The following ZFHX3 variants were observed in gnomAD, a reference collection of about 807,000 sequenced individuals.
ZFHX3 encodes the protein zinc finger homeobox protein 3.
A neutral mutation model predicts 279.1 loss-of-function variants in ZFHX3; 42 were observed. The observed-to-expected ratio is 0.15, with a 90% CI of 0.12 to 0.19. The LOEUF (loss-of-function observed/expected upper bound fraction) is 0.19, where lower values mean the gene tolerates loss of function less well. ZFHX3 is among the 10% of genes least tolerant of loss of function. The pLI is 1.00. For synonymous variants in ZFHX3, 2,293 were observed against 1,957.8 expected, an observed-to-expected ratio of 1.17 and a Z score of -4.52; for missense variants, 4,981 against 4,754.0, an observed-to-expected ratio of 1.05 and a Z score of -1.40.
At chr16:73,577,240 C>T (rs200290476) in intron 2 of ZFHX3, among the ~76,000 whole-genome samples, 2 of 152,036 alleles carry the variant, frequency 1.3e-5, no homozygotes, top group East Asian at 3.8e-4. Flanking sequence ...ATATGGGAGA[C>T]AGGTAGTCAA....
At chr16:73,384,001 C>A (rs1484606032) in intron 3 of ZFHX3, among the ~76,000 whole-genome samples, 1 of 152,172 alleles carries the variant, frequency 6.6e-6, no homozygotes, top group Non-Finnish European at 1.5e-5. Context: ...CACGAACACA[C>A]TTCAAAGAAA....
intron 1 of ZFHX3, among the ~76,000 whole-genome samples, chr16:73,695,130 T>C (rs1446493787): frequency 6.6e-6 from 1 of 152,196 alleles, no homozygotes; most frequent in Non-Finnish European, 1.5e-5. Flanking sequence ...CCCGATGGGG[T>C]GGTGCCAGTC....
At chr16:73,320,001 A>C (rs1444094511) in intron 3 of ZFHX3, among the ~76,000 whole-genome samples, 1 of 152,206 alleles carries the variant, frequency 6.6e-6, no homozygotes, top group African/African-American at 2.4e-5. Flanking sequence ...TGTATGCTAA[A>C]GCGAGTCTTT....
intron 3 of ZFHX3, among the ~76,000 whole-genome samples, chr16:73,418,278 A>C (rs1836697655): frequency 6.6e-6 from 1 of 152,238 alleles, no homozygotes; most frequent in Non-Finnish European, 1.5e-5. Flanking sequence ...CATCAGTTGC[A>C]GCTGGTAGAC....
chr16:73,202,122 C>T (rs1410303628), intron 5 of ZFHX3, among the ~76,000 whole-genome samples: 1 of 152,132 alleles, frequency 6.6e-6, no homozygotes, highest in African/African-American at 2.4e-5. Context: ...ATATTATTCA[C>T]TATAAGTCTG....
At chr16:73,767,717 T>A (rs1313992727) in intron 1 of ZFHX3, among the ~76,000 whole-genome samples, 1 of 152,180 alleles carries the variant, frequency 6.6e-6, no homozygotes, top group Admixed American at 6.5e-5. Flanking sequence ...CAAATTCACC[T>A]AGAGGTACTG....
chr16:73,727,590 A>G (rs1186221945), intron 1 of ZFHX3, among the ~76,000 whole-genome samples: 2 of 152,214 alleles, frequency 1.3e-5, no homozygotes, highest in Non-Finnish European at 2.9e-5. Flanking sequence ...TCAGAGTTGC[A>G]GCAAGTATAC....
At position 73,772,596 on chromosome 16, in the gene ZFHX3, G is replaced by T. The variant is rs115316941; in HGVS notation, c.-1607-92356C>A. Among the ~76,000 whole-genome samples the T allele has an allele frequency of 6.3e-3, 955 of 152,264 alleles. 7 individuals are homozygous for T. The highest frequency in any genetic ancestry group is 0.022 in the African/African-American group (899 of 41,548). On this transcript the variant is annotated intron_variant, in intron 1 of 17. Transcript: ENST00000641206. ...CCGTAGGTGTCTTTCAGATATGTCCGTTCTGCAGTTAGCTAGTCTCCTTCT... is the reference window on the plus strand; with the variant it reads ...CCGTAGGTGTCTTTCAGATATGTCCTTTCTGCAGTTAGCTAGTCTCCTTCT...
At chr16:73,253,102 T>A (rs1003451476) in intron 5 of ZFHX3, among the ~76,000 whole-genome samples, 1 of 152,198 alleles carries the variant, frequency 6.6e-6, no homozygotes, top group Non-Finnish European at 1.5e-5. Context: ...GTGCTAGAAC[T>A]GCACCATTCC....
chr16:73,210,293 C>T (rs2011966110), intron 5 of ZFHX3, among the ~76,000 whole-genome samples: 1 of 152,128 alleles, frequency 6.6e-6, no homozygotes, highest in South Asian at 2.1e-4. Context: ...AGCAAAATGC[C>T]TCCCCATACA....
At chr16:73,578,498 G>C (rs2051824497) in intron 2 of ZFHX3, among the ~76,000 whole-genome samples, 1 of 152,094 alleles carries the variant, frequency 6.6e-6, no homozygotes, top group Non-Finnish European at 1.5e-5. Context: ...AATGCTAAGA[G>C]GCTTTATGAT....
At chr16:73,195,745 G>C (rs1307243060) in intron 5 of ZFHX3, among the ~76,000 whole-genome samples, 1 of 151,958 alleles carries the variant, frequency 6.6e-6, no homozygotes, top group Non-Finnish European at 1.5e-5. Flanking sequence ...TCCAATTTAA[G>C]TGGCTAGAAA....
At chr16:73,492,056 T>C (rs951775388) in intron 2 of ZFHX3, among the ~76,000 whole-genome samples, 1 of 152,226 alleles carries the variant, frequency 6.6e-6, no homozygotes, top group Non-Finnish European at 1.5e-5. Context: ...CCAAAATCTG[T>C]ATATCCAAAT....
chr16:73,326,030 A>T (rs1271103935), intron 3 of ZFHX3, among the ~76,000 whole-genome samples: 1 of 152,068 alleles, frequency 6.6e-6, no homozygotes, highest in Middle Eastern at 3.2e-3. Flanking sequence ...GTGGCATTTG[A>T]TTGCCAAGTC....
intron 1 of ZFHX3, among the ~76,000 whole-genome samples, chr16:73,758,278 C>A (rs184228894): frequency 1.3e-5 from 2 of 151,970 alleles, no homozygotes; most frequent in Non-Finnish European, 2.9e-5. Flanking sequence ...TATTAAATAC[C>A]GACTCTAAGT....
Position 73,860,651 on chromosome 16 carries a change from A to G in ZFHX3, c.-1608+31000T>C, listed in dbSNP as rs534183744. 2.0e-5 allele frequency among the ~76,000 whole-genome samples: 3 copies of G among 152,330 alleles called. No individual in the cohort carries two copies. The South Asian group carries it at 6.2e-4, about 32-fold the overall frequency. ...TATCTTGGTAGAAAGGAAAACGTGA[A>G]ACAAAGCAGACACTTCACCTTCCTT... is the stretch of plus-strand genomic sequence containing the variant. On this transcript the variant is annotated intron_variant, in intron 1 of 17. Transcript: ENST00000641206.
intron 4 of ZFHX3, among the ~76,000 whole-genome samples, chr16:72,867,517 G>A (rs1333199383): frequency 2.0e-5 from 3 of 152,172 alleles, no homozygotes; most frequent in Non-Finnish European, 2.9e-5. Context: ...AAGCAACATC[G>A]TAATCCCATG....
At chr16:72,897,192 C>T (rs977668405) in intron 3 of ZFHX3, among the ~76,000 whole-genome samples, 26 of 152,228 alleles carry the variant, frequency 1.7e-4, no homozygotes, top group South Asian at 8.3e-4. Context: ...AAGAAGCTGC[C>T]CGTTACAGCA....
rs1567554429 is a variant in ZFHX3 at position 73,695,891 on chromosome 16, A to C, written c.-1607-15651T>G. 4.6e-5 allele frequency among the ~76,000 whole-genome samples: 7 copies of C among 152,176 alleles called. No homozygotes were observed. The South Asian group carries it at 1.0e-3, about 23-fold the overall frequency. ...CTCGGCAAGAAGGACTCAGCTGCGT[A>C]AGGGGCCCAAAGAACAAAGCAGATG... On this transcript the variant is annotated intron_variant, in intron 1 of 17. Transcript: ENST00000641206.
Sources: gnomAD v4.1 joint callset for allele counts (sites outside exome capture counted in the v4.1 genomes callset) on GRCh38, gnomAD v4.1.1 for gene constraint, MANE v1.5 for transcripts, NCBI Gene and HGNC (gene_info 2026-07-23, HGNC 2026-07-21) for gene names.